Variants in DCUN1D4 observed in about 807,000 individuals in gnomAD.
DCUN1D4 encodes DCN1-like protein 4.
Under a neutral mutation model 47.9 loss-of-function variants are expected in DCUN1D4, and 22 were observed. The observed-to-expected ratio is 0.46, with a 90% CI of 0.33 to 0.66. The LOEUF (loss-of-function observed/expected upper bound fraction) is 0.66. Ranked by LOEUF, DCUN1D4 falls within the 30% of genes least tolerant of loss-of-function variation. DCUN1D4 has a pLI of 0.02. For missense variants in DCUN1D4, 301 were observed against 340.8 expected (o/e 0.88, Z 0.92); for synonymous variants, 121 against 112.2 (o/e 1.08, Z -0.50).
At chr4:51,863,832 G>A in intron 3 of DCUN1D4, 123 bp downstream of exon 3, 1 of 1,069,388 alleles carries the variant, frequency 9.4e-7, no homozygotes, top group Non-Finnish European at 1.3e-6. Flanking sequence ...TTCCTTGGCT[G>A]AGGTTGTTTT....
intron 1 of DCUN1D4, among the ~76,000 whole-genome samples, chr4:51,844,135 A>G (rs1722092992): frequency 2.0e-5 from 1 of 49,416 alleles, no homozygotes; most frequent in African/African-American, 8.6e-5. Flanking sequence ...GGGGGTGAGG[A>G]GCTAGTCGGG....
intron 3 of DCUN1D4, among the ~76,000 whole-genome samples, chr4:51,870,629 C>T (rs934429561): frequency 2.0e-5 from 3 of 151,864 alleles, no homozygotes; most frequent in African/African-American, 4.8e-5. Context: ...TAATAAGATA[C>T]TGTATTAGCT....
In DCUN1D4 at chr4:51,857,315, T is replaced by TA. The variant is rs546678064; in HGVS notation, c.26-6121dup. 2.0e-5 allele frequency among the ~76,000 whole-genome samples: 3 copies of TA among 152,322 alleles called. No homozygotes were observed. The East Asian group carries it at 5.8e-4, about 29-fold the overall frequency. On this transcript the variant is annotated intron_variant, in intron 1 of 10. Coordinates refer to ENST00000334635, the MANE Select transcript of DCUN1D4 (RefSeq NM_001040402.3). ...CCATTTTTACAGCCAGTGTCTAACT[T>TA]ACGGCCCTAATGCTTTCCCACCTCA...
intron 1 of DCUN1D4, chr4:51,848,198 C>T (rs1722843763): frequency 1.2e-5 from 16 of 1,288,432 alleles, no homozygotes; most frequent in Non-Finnish European, 1.6e-5. Context: ...ATTTTTCAAA[C>T]ATGCAGATAT....
rs909714546 is a variant in DCUN1D4 at position 51,894,139 on chromosome 4, G to T, written c.506+2288G>T. Among the ~76,000 whole-genome samples, 7 of 152,246 alleles carry T rather than the reference G, an allele frequency of 4.6e-5. No individual in the cohort carries two copies. In the East Asian group the frequency reaches 9.7e-4, roughly 21 times the overall value. ...TTGCCACTTGATCCTTGCAATTCAG[G>T]GTTTAGTGACAAGCCTGATCCACTG... On this transcript the variant is annotated intron_variant, in intron 7 of 10. Transcript: ENST00000334635.
chr4:51,895,488 C>A (rs980300450), intron 7 of DCUN1D4, among the ~76,000 whole-genome samples: 33 of 142,702 alleles, frequency 2.3e-4, no homozygotes, highest in African/African-American at 8.1e-4. Context: ...CTCCTGAGAT[C>A]ATTCCCCTGC....
chr4:51,851,316 C>T (rs1723327050), intron 1 of DCUN1D4, among the ~76,000 whole-genome samples: 1 of 152,052 alleles, frequency 6.6e-6, no homozygotes, highest in Admixed American at 6.6e-5. Context: ...ATGGATGCCC[C>T]GGGGGCTTTG....
intron 8 of DCUN1D4, 190 bp from the exon 9 acceptor site, chr4:51,910,880 C>T (rs776120108): frequency 6.0e-5 from 35 of 579,458 alleles, no homozygotes; most frequent in Middle Eastern, 4.4e-4. Flanking sequence ...TATATAATAT[C>T]GTAATGCCCA....
intron 1 of DCUN1D4, among the ~76,000 whole-genome samples, chr4:51,862,281 G>A (rs1339394612): frequency 6.6e-6 from 1 of 152,232 alleles, no homozygotes; most frequent in Non-Finnish European, 1.5e-5. Context: ...CAGCCCCTCT[G>A]CCCTGCAGAC....
Position 51,887,892 on chromosome 4 carries a change from G to GT in DCUN1D4, c.414+1264dup, listed in dbSNP as rs750579834. Among the ~76,000 whole-genome samples the GT allele has an allele frequency of 9.8e-3, 1,263 of 129,394 alleles. 26 individuals are homozygous for GT. Among genetic ancestry groups the GT allele is most frequent in the Admixed American group, 0.056 (736 of 13,236 alleles). 84.9% of individuals were successfully genotyped at this position (129,394 alleles called of 152,430 possible). Reference sequence around the variant, plus strand: ...ACTTATTACATAGATTTTTATCTTGGTTTTTTTTTTGGTTTTTTTTTTTTT... The same window carrying GT: ...ACTTATTACATAGATTTTTATCTTGGTTTTTTTTTTTGGTTTTTTTTTTTTT... On this transcript the variant is annotated intron_variant, in intron 6 of 10. Transcript: ENST00000334635.
intron 8 of DCUN1D4, among the ~76,000 whole-genome samples, chr4:51,901,692 G>T (rs927329551): frequency 6.6e-6 from 1 of 152,174 alleles, no homozygotes; most frequent in East Asian, 1.9e-4. Flanking sequence ...CATACCCCTG[G>T]TGTCTCCTCT....
rs1359564564 is a variant in DCUN1D4 at position 51,914,931 on chromosome 4, G to A, written c.*1347G>A. The A allele has an allele frequency of 2.7e-5, 4 of 148,164 alleles. No homozygotes were observed. Among genetic ancestry groups the A allele is most frequent in the African/African-American group, 9.9e-5 (4 of 40,272 alleles). 9.2% of individuals were successfully genotyped at this position (148,164 alleles called of 1,614,324 possible). Reference sequence around the variant, plus strand: ...ACTAATTCAGTCCCTAAAGTTCTGTGAAAACACAAAAGTCTAATGATTTGA... The same window carrying A: ...ACTAATTCAGTCCCTAAAGTTCTGTAAAAACACAAAAGTCTAATGATTTGA... On this transcript the variant is annotated 3_prime_UTR_variant, in exon 11 of 11. Coordinates refer to ENST00000334635, the MANE Select transcript of DCUN1D4 (RefSeq NM_001040402.3).
At chr4:51,904,638 T>G (rs1277062568) in intron 8 of DCUN1D4, among the ~76,000 whole-genome samples, 1 of 152,208 alleles carries the variant, frequency 6.6e-6, no homozygotes, top group Non-Finnish European at 1.5e-5. Flanking sequence ...TTATTTATTT[T>G]CTTTTTCTTG....
chr4:51,876,648 T>C (rs1050465313), intron 4 of DCUN1D4, among the ~76,000 whole-genome samples: 1 of 152,164 alleles, frequency 6.6e-6, no homozygotes, highest in Non-Finnish European at 1.5e-5. Context: ...TGGATTTTTT[T>C]CAGCCGAACA....
chr4:51,839,850 A>G (rs1721588216), upstream of DCUN1D4, among the ~76,000 whole-genome samples: 1 of 152,212 alleles, frequency 6.6e-6, no homozygotes, highest in African/African-American at 2.4e-5. Context: ...AGCATGCTAC[A>G]GTGGGCTTAG....
At chr4:51,844,532 T>G (rs900999986) in intron 1 of DCUN1D4, 4 of 389,800 alleles carry the variant, frequency 1.0e-5, no homozygotes, top group African/African-American at 8.7e-5. Context: ...CGGGGAGGTG[T>G]CGGGGTCCCT....
At chr4:51,886,052 G>A (rs145691238) in intron 5 of DCUN1D4, among the ~76,000 whole-genome samples, 1 of 152,336 alleles carries the variant, frequency 6.6e-6, no homozygotes, top group East Asian at 1.9e-4. Context: ...GAGATGGAAT[G>A]TGTGGACGCT....
At chr4:51,844,938 T>G in intron 1 of DCUN1D4, 1 of 985,436 alleles carries the variant, frequency 1.0e-6, no homozygotes, top group Non-Finnish European at 1.2e-6. Context: ...GGGAGGCGGT[T>G]GAGTTCCCAG....
intron 8 of DCUN1D4, among the ~76,000 whole-genome samples, chr4:51,906,563 G>A (rs1051728837): frequency 2.8e-4 from 42 of 151,980 alleles, no homozygotes; most frequent in African/African-American, 8.7e-4. Flanking sequence ...GTGTGTCCAC[G>A]TGCACACTCA....
Sources: gnomAD v4.1 joint callset for allele counts (sites outside exome capture counted in the v4.1 genomes callset) on GRCh38, gnomAD v4.1.1 for gene constraint, MANE v1.5 for transcripts, NCBI Gene and HGNC (gene_info 2026-07-23, HGNC 2026-07-21) for gene names.